The following CFAP221 variants were observed in gnomAD, a reference collection of about 807,000 sequenced individuals.
CFAP221 encodes the protein cilia- and flagella-associated protein 221.
Under a neutral mutation model 113.1 loss-of-function variants are expected in CFAP221, and 97 were observed. That is an observed-to-expected ratio of 0.86 (90% CI 0.73 to 1.02). CFAP221 has a LOEUF of 1.02. CFAP221 is among the 50% of genes least tolerant of loss of function. The probability of loss-of-function intolerance (pLI) is 0.00; values close to 1 mark genes in which losing one functional copy is unlikely to be tolerated. For synonymous variants in CFAP221, 331 were observed against 354.4 expected, an observed-to-expected ratio of 0.93 and a Z score of 0.74; for missense variants, 1,025 against 1,013.4, an observed-to-expected ratio of 1.01 and a Z score of -0.16.
intron 3 of CFAP221, among the ~76,000 whole-genome samples, chr2:119,550,327 C>T (rs1353880529): frequency 3.3e-5 from 5 of 152,136 alleles, no homozygotes; most frequent in African/African-American, 7.2e-5. Flanking sequence ...GTAAAGGTAT[C>T]GGGAAGGAAA....
chr2:119,643,087 G>A lies in CFAP221; in HGVS notation c.2225+3215G>A, dbSNP rs549982813. On this transcript the variant is annotated intron_variant, in intron 21 of 23. Coordinates refer to ENST00000413369, the MANE Select transcript of CFAP221 (RefSeq NM_001271049.2). Reference sequence around the variant, plus strand: ...ATTACAGGTGTGAGCCACTGCACCTGGCCTGGGAGTTATGTTTCAACGTGA... The same window carrying A: ...ATTACAGGTGTGAGCCACTGCACCTAGCCTGGGAGTTATGTTTCAACGTGA... Among the ~76,000 whole-genome samples, 8 of 152,290 alleles carry A rather than the reference G, an allele frequency of 5.3e-5. No homozygotes were observed. The East Asian group carries it at 1.4e-3, about 26-fold the overall frequency.
intron 6 of CFAP221, among the ~76,000 whole-genome samples, chr2:119,576,975 T>C (rs1040378201): frequency 3.3e-5 from 5 of 152,254 alleles, no homozygotes; most frequent in African/African-American, 1.2e-4. Flanking sequence ...CTTCTCTCTA[T>C]GTGTATGCCG....
intron 19 of CFAP221, among the ~76,000 whole-genome samples, chr2:119,635,443 G>C (rs538429415): frequency 6.6e-6 from 1 of 152,258 alleles, no homozygotes; most frequent in South Asian, 2.1e-4. Context: ...GTTCAATTTA[G>C]TTAAAAGTCT....
chr2:119,546,281 A>G lies in CFAP221; in HGVS notation c.139+11A>G, dbSNP rs769438454. The G allele has an allele frequency of 2.0e-6, 3 of 1,532,490 alleles. No homozygotes were observed. The highest frequency in any genetic ancestry group is 2.6e-6 in the Non-Finnish European group (3 of 1,145,792). The allele number at this position is 1,532,490 out of a possible 1,614,324, so 94.9% of individuals were successfully genotyped here. On this transcript the variant is annotated intron_variant, in intron 2 of 23. Coordinates refer to ENST00000413369, the MANE Select transcript of CFAP221 (RefSeq NM_001271049.2). ...ACCTCCTAGAATCAAGTAAGTGGCT[A>G]GAAGACAGATTTGCTTTACAGCTCA...
chr2:119,561,894 A>G (rs1185125178), intron 5 of CFAP221, 120 bp from the exon 6 acceptor site: 3 of 730,964 alleles, frequency 4.1e-6, no homozygotes, highest in African/African-American at 3.6e-5. Context: ...TAAGCGCTGA[A>G]GTTTCTTAAG....
At chr2:119,645,677 A>C (rs1362669438) in intron 21 of CFAP221, among the ~76,000 whole-genome samples, 1 of 152,066 alleles carries the variant, frequency 6.6e-6, no homozygotes, top group African/African-American at 2.4e-5. Context: ...ACAAAGACAT[A>C]TGTGCACACA....
chr2:119,587,857 T>C (rs1464445564), intron 7 of CFAP221, among the ~76,000 whole-genome samples: 1 of 152,182 alleles, frequency 6.6e-6, no homozygotes, highest in African/African-American at 2.4e-5. Context: ...TACAACTCTT[T>C]CAGTACTGCA....
At chr2:119,583,499 A>G (rs1682990042) in intron 6 of CFAP221, among the ~76,000 whole-genome samples, 1 of 151,798 alleles carries the variant, frequency 6.6e-6, no homozygotes, top group Non-Finnish European at 1.5e-5. Context: ...AGAAAATCTA[A>G]GGAAATCTAC....
At chr2:119,584,880 G>A (rs1683104344) in intron 6 of CFAP221, among the ~76,000 whole-genome samples, 1 of 152,194 alleles carries the variant, frequency 6.6e-6, no homozygotes, top group African/African-American at 2.4e-5. Flanking sequence ...AAATATTTTA[G>A]TCGTATCTAG....
At position 119,559,952 on chromosome 2, in the gene CFAP221, T is replaced by G. The variant is rs1015451411; in HGVS notation, c.352T>G (p.Ser118Ala). The part of the protein sequence containing the change: ...RKEHHLVPGL[S>A]LTVTVTFSPD... ...GGAACACCACCTGGTCCCTGGCTTG[T>G]CCCTCACGGTCACCGTTACATTTTC... The change falls in exon 5 of 24, where the codon TCC (serine) becomes GCC (alanine). Residue 118 changes from serine (S) to alanine (A), a missense_variant. Ser to Ala is a moderately conservative substitution (Grantham distance 99). Transcript: ENST00000413369. 2.0e-6 allele frequency: 3 copies of G among 1,534,928 alleles called. No homozygotes were observed. Among genetic ancestry groups the G allele is most frequent in the African/African-American group, 2.7e-5 (2 of 72,736 alleles).
At chr2:119,640,239 A>G (rs1364705147) in intron 21 of CFAP221, among the ~76,000 whole-genome samples, 4 of 151,002 alleles carry the variant, frequency 2.6e-5, no homozygotes, top group African/African-American at 9.7e-5. Flanking sequence ...AAAAAAAATC[A>G]TAAATTGCCA....
intron 6 of CFAP221, among the ~76,000 whole-genome samples, chr2:119,572,122 A>G (rs956458074): frequency 4.6e-5 from 7 of 152,148 alleles, no homozygotes; most frequent in Non-Finnish European, 8.8e-5. Context: ...ATGGTTATAA[A>G]TTTTCCTTAC....
chr2:119,547,730 T>C (rs189395262), intron 2 of CFAP221, among the ~76,000 whole-genome samples: 1 of 152,272 alleles, frequency 6.6e-6, no homozygotes, highest in Admixed American at 6.5e-5. Flanking sequence ...CCCAAGTGGA[T>C]GACAGTGACA....
intron 19 of CFAP221, among the ~76,000 whole-genome samples, chr2:119,631,970 A>G (rs1350460952): frequency 2.0e-5 from 3 of 152,218 alleles, no homozygotes; most frequent in Admixed American, 6.5e-5. Flanking sequence ...AGAGGAGATA[A>G]ATAGCCAAAA....
intron 22 of CFAP221, among the ~76,000 whole-genome samples, chr2:119,651,666 C>A (rs1457264345): frequency 1.3e-5 from 2 of 152,092 alleles, no homozygotes; most frequent in African/African-American, 4.8e-5. Context: ...CTTTATAGCC[C>A]AAGATATGGT....
At chr2:119,601,147 G>A in intron 7 of CFAP221, 71 bp from the exon 8 acceptor site, 1 of 1,340,352 alleles carries the variant, frequency 7.5e-7, no homozygotes, top group Non-Finnish European at 9.9e-7. Context: ...CCATATTTGT[G>A]TGTGTGTCAG....
intron 20 of CFAP221, 33 bp downstream of exon 20, chr2:119,638,450 AC>A: frequency 6.2e-7 from 1 of 1,612,832 alleles, no homozygotes; most frequent in Non-Finnish European, 8.5e-7. Flanking sequence ...TGGCAGAGTG[AC>A]CCTGGGCTGC....
intron 11 of CFAP221, among the ~76,000 whole-genome samples, chr2:119,608,204 A>G (rs1684905574): frequency 6.6e-6 from 1 of 152,144 alleles, no homozygotes; most frequent in Non-Finnish European, 1.5e-5. Flanking sequence ...TAGCCATCCC[A>G]GTGGGTGTAA....
In CFAP221 at chr2:119,602,484, C is replaced by T. The variant is rs115235801; in HGVS notation, c.791+1107C>T. ...AATATCTTGGTTTTCCTCTTCTTTGCGCATGGATACACATCACATATTCAC... is the reference window on the plus strand; with the variant it reads ...AATATCTTGGTTTTCCTCTTCTTTGTGCATGGATACACATCACATATTCAC... On this transcript the variant is annotated intron_variant, in intron 8 of 23. Transcript: ENST00000413369. The T allele has an allele frequency of 3.1e-5, 11 of 352,866 alleles. No homozygotes were observed. In the East Asian group the frequency reaches 5.0e-4, roughly 16 times the overall value. 21.9% of individuals were successfully genotyped at this position (352,866 alleles called of 1,614,324 possible).
Sources: gnomAD v4.1 joint callset for allele counts (sites outside exome capture counted in the v4.1 genomes callset) on GRCh38, gnomAD v4.1.1 for gene constraint, MANE v1.5 for transcripts, NCBI Gene and HGNC (gene_info 2026-07-23, HGNC 2026-07-21) for gene names.